BRMS1: variants seen among roughly 807,000 people sequenced by gnomAD.
The protein encoded by BRMS1 is BRMS1 transcriptional repressor and anoikis regulator.
Under a neutral mutation model 40.4 loss-of-function variants are expected in BRMS1, and 26 were observed. The ratio of observed to expected loss-of-function variants is 0.64; its 90% CI spans 0.47 to 0.89. BRMS1 has a LOEUF of 0.89. Among genes scored for constraint, BRMS1 ranks in the 40% least tolerant of loss-of-function variants. BRMS1 has a pLI of 0.00. For synonymous variants in BRMS1, 103 were observed against 116.0 expected, an observed-to-expected ratio of 0.89 and a Z score of 0.72; for missense variants, 289 against 309.4, an observed-to-expected ratio of 0.93 and a Z score of 0.49.
chr11:66,338,227 C>T lies in BRMS1; in HGVS notation c.733+16G>A, dbSNP rs1470051924. ...CAAGGGGGCAGGGAAGGCCATGCAA[C>T]AGCCATGGTTCTTACCATCCGATTT... is the stretch of plus-strand genomic sequence containing the variant. On this transcript the variant is annotated intron_variant, in intron 9 of 9. Transcript: ENST00000359957. 6.2e-7 allele frequency: 1 copy of T among 1,610,248 alleles called. No homozygotes were observed. Among genetic ancestry groups the T allele is most frequent in the African/African-American group, 1.3e-5 (1 of 74,870 alleles).
chr11:66,339,176 A>C (rs919160830), intron 7 of BRMS1, among the ~76,000 whole-genome samples: 2 of 151,970 alleles, frequency 1.3e-5, no homozygotes, highest in African/African-American at 2.4e-5. Flanking sequence ...CCATGCCTTC[A>C]CCTTCCATTC....
rs571190611 is a variant in BRMS1 at position 66,339,857 on chromosome 11, C to G, written c.628+264G>C. 8.0e-6 allele frequency: 3 copies of G among 372,832 alleles called. No homozygotes were observed. In the South Asian group the frequency reaches 1.8e-4, roughly 22 times the overall value. 23.1% of individuals were successfully genotyped at this position (372,832 alleles called of 1,614,324 possible). ...GCCCGAGCAATCTACCCGCCTTGGC[C>G]TCCCAAAGTGCTGGGACTGTAGATG... On this transcript the variant is annotated intron_variant, in intron 7 of 9. Transcript: ENST00000359957.
In BRMS1 at chr11:66,341,973, G is replaced by T; in HGVS notation, c.139+123C>A. 9.0e-7 allele frequency: 1 copy of T among 1,108,650 alleles called. No individual in the cohort carries two copies. The highest frequency in any genetic ancestry group is 1.3e-6 in the Non-Finnish European group (1 of 774,694). 68.7% of individuals were successfully genotyped at this position (1,108,650 alleles called of 1,614,324 possible). A position where few individuals can be genotyped will look rare whatever the true frequency, so the allele number is the denominator to read the frequency against. ...GCTTGTGTGCAGGGTCTGTGTATGT[G>T]CTTGTGTGTAGGCGCTGTATGTGCA... On this transcript the variant is annotated intron_variant, in intron 2 of 9. Transcript: ENST00000359957. This position sits in a 1 kb window ranked among gnomAD's most constrained non-coding sequence, Gnocchi z 4.9.
chr11:66,341,122 C>A lies in BRMS1; in HGVS notation c.359-76G>T, dbSNP rs1407759842. 4.3e-6 allele frequency: 7 copies of A among 1,612,200 alleles called. No homozygotes were observed. In the East Asian group the frequency reaches 1.3e-4, roughly 31 times the overall value. On this transcript the variant is annotated intron_variant, in intron 4 of 9. Coordinates refer to ENST00000359957, the MANE Select transcript of BRMS1 (RefSeq NM_015399.4). The surrounding 1 kb of genome is among the most constrained non-coding windows in gnomAD (Gnocchi z 4.9). ...ACATAGGAGGGCTGAGAGCAAAGGG[C>A]AAGGCCGGGCAGGAACGAGAGAGGA...
chr11:66,340,172 A>G lies in BRMS1; in HGVS notation c.577T>C (p.Ser193Pro). Residue 193 changes from serine (S) to proline (P), a missense_variant, in exon 7 of 10, where the codon TCT becomes CCT. Ser to Pro is a moderately conservative substitution (Grantham distance 74, BLOSUM62 -1). Transcript: ENST00000359957. ...DKLHARGSSR[S>P]WDSLPPSKRK... ...TTGCTGGGCGGCAGGGAGTCCCAAG[A>G]CCTGGAGCTGCCTCTGGCGTGCAGT... The G allele has an allele frequency of 6.2e-7, 1 of 1,613,330 alleles. No homozygotes were observed. Among genetic ancestry groups the G allele is most frequent in the Non-Finnish European group, 8.5e-7 (1 of 1,179,822 alleles).
In BRMS1 at chr11:66,341,030, G is replaced by A. The variant is rs773197163; in HGVS notation, c.375C>T (p.Phe125=). ...RIQVAGIYKG[F]CLDVIRNKYE... Reference sequence around the variant, plus strand: ...ACTTATTCCTGATCACATCCAGACAGAAGCCCTTGTAGATCCCTGCAGAGA... The same window carrying A: ...ACTTATTCCTGATCACATCCAGACAAAAGCCCTTGTAGATCCCTGCAGAGA... The change falls in exon 5 of 10, where the codon TTC becomes TTT. Residue 125 remains phenylalanine (F), a synonymous_variant. Coordinates refer to ENST00000359957, the MANE Select transcript of BRMS1 (RefSeq NM_015399.4). This position sits in a 1 kb window ranked among gnomAD's most constrained non-coding sequence, Gnocchi z 4.9. The A allele has an allele frequency of 1.9e-6, 3 of 1,614,020 alleles. No homozygotes were observed. Among genetic ancestry groups the A allele is most frequent in the East Asian group, 4.5e-5 (2 of 44,882 alleles).
rs143659154 is a variant in BRMS1 at position 66,341,199 on chromosome 11, C to T, written c.358+7G>A. ...GAGGGGAAGAGGGTACAGAACCACC[C>T]ACAGACCTGCCACCTGAATGCGAAT... On this transcript the variant is annotated splice_region_variant and intron_variant, in intron 4 of 9. Coordinates refer to ENST00000359957, the MANE Select transcript of BRMS1 (RefSeq NM_015399.4). The surrounding 1 kb of genome is among the most constrained non-coding windows in gnomAD (Gnocchi z 4.9). 50,346 of 1,611,604 alleles carry T rather than the reference C, an allele frequency of 0.031. 1,035 individuals are homozygous for T. Among genetic ancestry groups the T allele is most frequent in the Admixed American group, 0.048 (2,868 of 59,974 alleles).
intron 9 of BRMS1, 22 bp from the exon 10 acceptor site, chr11:66,337,911 A>C: frequency 6.3e-7 from 1 of 1,599,914 alleles, no homozygotes; most frequent in Non-Finnish European, 8.5e-7. Context: ...TGGGAAGAAG[A>C]AAACTGTCAC....
In BRMS1 at chr11:66,341,141, G is replaced by A; in HGVS notation, c.358+65C>T. On this transcript the variant is annotated intron_variant, in intron 4 of 9. Transcript: ENST00000359957. This position sits in a 1 kb window ranked among gnomAD's most constrained non-coding sequence, Gnocchi z 4.9. ...AAAGGGCAAGGCCGGGCAGGAACGA[G>A]AGAGGAAGGGGACAGGGTGCCACGG... 6.2e-7 allele frequency: 1 copy of A among 1,612,356 alleles called. No individual in the cohort carries two copies. Among genetic ancestry groups the A allele is most frequent in the Non-Finnish European group, 8.5e-7 (1 of 1,178,982 alleles).
chr11:66,345,098 G>A lies in BRMS1; in HGVS notation c.-134C>T, dbSNP rs917553618. ...GGCTCCCTTTTCTTCGGGAGGCAGA[G>A]CCTATCGGTGCTTCCGTGTGCGTCA... On this transcript the variant is annotated 5_prime_UTR_variant, in exon 1 of 10. Transcript: ENST00000359957. 6.6e-6 allele frequency: 1 copy of A among 152,288 alleles called. No individual in the cohort carries two copies. Among genetic ancestry groups the A allele is most frequent in the African/African-American group, 2.4e-5 (1 of 41,478 alleles). 9.4% of individuals were successfully genotyped at this position (152,288 alleles called of 1,614,324 possible).
rs774574631 is a variant in BRMS1, at chr11:66,337,783, C to G, written c.*99G>C. On this transcript the variant is annotated 3_prime_UTR_variant, in exon 10 of 10. Transcript: ENST00000359957. The stretch of plus-strand genomic sequence containing the variant: ...CCACAGGAGCCTGGCTGGGCAGACC[C>G]TGAGGGGCCTGTGGGTCCGCCTGTC... 1 of 1,613,824 alleles carries G rather than the reference C, an allele frequency of 6.2e-7. No homozygotes were observed. Among genetic ancestry groups the G allele is most frequent in the South Asian group, 1.1e-5 (1 of 91,076 alleles).
chr11:66,338,294 A>T lies in BRMS1; in HGVS notation c.694-12T>A, dbSNP rs1410545451. 1.0e-5 allele frequency: 16 copies of T among 1,606,376 alleles called. No homozygotes were observed. The highest frequency in any genetic ancestry group is 1.3e-5 in the Non-Finnish European group (15 of 1,176,210). On this transcript the variant is annotated splice_polypyrimidine_tract_variant and intron_variant, in intron 8 of 9. Coordinates refer to ENST00000359957, the MANE Select transcript of BRMS1 (RefSeq NM_015399.4). ...ACAGCTGCCCTAGCCTGGGTGGGTGAGAAGAAAAGCTCCCCTGAGAGCCCA... is the reference window on the plus strand; with the variant it reads ...ACAGCTGCCCTAGCCTGGGTGGGTGTGAAGAAAAGCTCCCCTGAGAGCCCA...
chr11:66,342,838 C>T (rs1381297302), intron 1 of BRMS1, among the ~76,000 whole-genome samples: 1 of 152,260 alleles, frequency 6.6e-6, no homozygotes, highest in Non-Finnish European at 1.5e-5. Context: ...TGCACTTCCA[C>T]TATCCACCCT....
chr11:66,341,972 T>C lies in BRMS1; in HGVS notation c.139+124A>G. 9.1e-7 allele frequency: 1 copy of C among 1,099,766 alleles called. No individual in the cohort carries two copies. The allele number at this position is 1,099,766 out of a possible 1,614,324, so 68.1% of individuals were successfully genotyped here. ...CGCTTGTGTGCAGGGTCTGTGTATG[T>C]GCTTGTGTGTAGGCGCTGTATGTGC... On this transcript the variant is annotated intron_variant, in intron 2 of 9. Transcript: ENST00000359957. The surrounding 1 kb of genome is among the most constrained non-coding windows in gnomAD (Gnocchi z 4.9).
chr11:66,344,281 C>A (rs557948889), intron 1 of BRMS1, among the ~76,000 whole-genome samples: 1 of 152,114 alleles, frequency 6.6e-6, no homozygotes, highest in Non-Finnish European at 1.5e-5. Context: ...GTCCCAGGTC[C>A]CTGTAATGGT....
In BRMS1 at chr11:66,341,772, T is replaced by C. The variant is rs2134965386; in HGVS notation, c.140-149A>G. ...CGCGTACATGCTTGTGTGAAGGGGC[T>C]GTGTGTGTGCGTGTGTGCTTGTGTG... is the stretch of plus-strand genomic sequence containing the variant. On this transcript the variant is annotated intron_variant, in intron 2 of 9. Transcript: ENST00000359957. The surrounding 1 kb of genome is among the most constrained non-coding windows in gnomAD (Gnocchi z 4.9). 1 of 772,414 alleles carries C rather than the reference T, an allele frequency of 1.3e-6. No individual in the cohort carries two copies. The highest frequency in any genetic ancestry group is 2.2e-6 in the Non-Finnish European group (1 of 445,906). The allele number at this position is 772,414 out of a possible 1,614,324, so 47.8% of individuals were successfully genotyped here. A position where few individuals can be genotyped will look rare whatever the true frequency, so the allele number is the denominator to read the frequency against.
chr11:66,343,048 G>T (rs1855121218), intron 1 of BRMS1, among the ~76,000 whole-genome samples: 1 of 152,122 alleles, frequency 6.6e-6, no homozygotes, highest in Admixed American at 6.5e-5. Context: ...ATGAAACTTT[G>T]GATGTGCTTG....
At chr11:66,338,616 A>G (rs1854993478) in intron 8 of BRMS1, 105 bp downstream of exon 8, 1 of 1,593,496 alleles carries the variant, frequency 6.3e-7, no homozygotes, top group Admixed American at 1.8e-5. Flanking sequence ...GAAGATGGGG[A>G]AGCCTTGGTG....
chr11:66,344,235 T>G (rs958499207), intron 1 of BRMS1, among the ~76,000 whole-genome samples: 1 of 152,218 alleles, frequency 6.6e-6, no homozygotes, highest in African/African-American at 2.4e-5. Flanking sequence ...CAAAAAAATT[T>G]TTTGTGAGAC....
Sources: allele counts gnomAD v4.1 joint callset (sites outside exome capture counted in the v4.1 genomes callset), GRCh38; gene constraint gnomAD v4.1.1; non-coding constraint Gnocchi (gnomAD v3.1); transcripts MANE v1.5; gene names NCBI Gene and HGNC (gene_info 2026-07-23, HGNC 2026-07-21).